Variants in LIMCH1 observed in about 807,000 individuals in gnomAD.
The protein encoded by LIMCH1 is LIM and calponin homology domains 1.
A neutral mutation model predicts 176.5 loss-of-function variants in LIMCH1; 113 were observed. The observed-to-expected ratio is 0.64, with a 90% CI of 0.55 to 0.75. The LOEUF (loss-of-function observed/expected upper bound fraction) is 0.75. LIMCH1 is among the 30% of genes least tolerant of loss of function. The pLI is 0.00. For synonymous variants in LIMCH1, 619 were observed against 645.9 expected (o/e 0.96, Z 0.63); for missense variants, 1,674 against 1,814.9 (o/e 0.92, Z 1.41).
intron 20 of LIMCH1, among the ~76,000 whole-genome samples, chr4:41,664,463 A>G (rs540642727): frequency 6.6e-6 from 1 of 152,252 alleles, no homozygotes; most frequent in East Asian, 1.9e-4. Flanking sequence ...GACCCTAGCT[A>G]TTCTTCATTT....
intron 1 of LIMCH1, among the ~76,000 whole-genome samples, chr4:41,463,393 A>G (rs1256922636): frequency 6.6e-6 from 1 of 152,022 alleles, no homozygotes; most frequent in Non-Finnish European, 1.5e-5. Flanking sequence ...TGCTTTTCCC[A>G]TTGGTAGTAA....
At chr4:41,480,007 A>G (rs2068326301) in intron 1 of LIMCH1, among the ~76,000 whole-genome samples, 1 of 152,108 alleles carries the variant, frequency 6.6e-6, no homozygotes, top group Non-Finnish European at 1.5e-5. Flanking sequence ...TAGACACTCC[A>G]GTTATGGATT....
intron 1 of LIMCH1, among the ~76,000 whole-genome samples, chr4:41,544,579 T>A (rs1005642852): frequency 6.6e-6 from 1 of 152,126 alleles, no homozygotes; most frequent in Admixed American, 6.5e-5. Context: ...TTACCTGGTT[T>A]TCTATTACCT....
chr4:41,370,671 A>G (rs1385215513), intron 1 of LIMCH1, among the ~76,000 whole-genome samples: 1 of 152,218 alleles, frequency 6.6e-6, no homozygotes, highest in Non-Finnish European at 1.5e-5. Flanking sequence ...TAGAGTTGAC[A>G]GAGTGTGATA....
chr4:41,640,117 C>T (rs577709436), intron 14 of LIMCH1, among the ~76,000 whole-genome samples: 1 of 152,348 alleles, frequency 6.6e-6, no homozygotes, highest in East Asian at 1.9e-4. Flanking sequence ...TGTGATCTGA[C>T]ATAAAGAACA....
chr4:41,632,834 A>T lies in LIMCH1; in HGVS notation c.1687A>T (p.Ser563Cys). ...VPESQEEWVC[S>C]LGECPRGTEE... The stretch of plus-strand genomic sequence containing the variant: ...GGAGTCTCAGGAAGAGTGGGTCTGC[A>T]GTTTGGGCGAGTGCCCGAGGGGGAC... The change falls in exon 11 of 32, where the codon AGT (serine) becomes TGT (cysteine). Residue 563 changes from serine to cysteine, a missense_variant. By Grantham distance (112) the Ser-to-Cys change is moderately radical (BLOSUM62 -1). This residue lies in a region of LIMCH1 where 1,015 missense variants were observed against 1,102.5 expected (regional missense o/e 0.92). Transcript: ENST00000503057. The T allele has an allele frequency of 6.5e-7, 1 of 1,536,202 alleles. No homozygotes were observed.
At chr4:41,363,050 G>A (rs565431187) in intron 1 of LIMCH1, among the ~76,000 whole-genome samples, 25 of 152,290 alleles carry the variant, frequency 1.6e-4, no homozygotes, top group African/African-American at 5.5e-4. Context: ...CAGTTTCAGG[G>A]AAAGGAGAGC....
intron 26 of LIMCH1, among the ~76,000 whole-genome samples, chr4:41,683,840 A>G (rs1718310480): frequency 6.6e-6 from 1 of 152,246 alleles, no homozygotes; most frequent in African/African-American, 2.4e-5. Flanking sequence ...CTGATAAGCT[A>G]TTTACAAAAT....
chr4:41,645,181 G>A (rs984758173), intron 15 of LIMCH1, among the ~76,000 whole-genome samples: 1 of 152,160 alleles, frequency 6.6e-6, no homozygotes, highest in Non-Finnish European at 1.5e-5. Context: ...GGCTAAAGAG[G>A]CTGATGAGGG....
rs1554072557 is a variant in LIMCH1 at position 41,494,593 on chromosome 4, A to G, written c.154A>G (p.Ile52Val). 7 of 1,610,894 alleles carry G rather than the reference A, an allele frequency of 4.3e-6. No homozygotes were observed. In the Admixed American group the frequency reaches 1.0e-4, roughly 23 times the overall value. ...TTTTCGGACAGGTTTAGAAAATGGA[A>G]TCCTCCTCTGCGAGTAAGTATAGCC... Residue 52 changes from isoleucine (I) to valine (V), a missense_variant, in exon 2 of 27, where the codon ATC becomes GTC. Ile to Val is a conservative substitution (Grantham distance 29, BLOSUM62 3). Coordinates refer to the LIMCH1 transcript ENST00000313860.
intron 17 of LIMCH1, 55 bp downstream of exon 17, chr4:41,646,948 A>G (rs2094088799): frequency 2.7e-6 from 4 of 1,461,512 alleles, no homozygotes; most frequent in Admixed American, 1.9e-5. Flanking sequence ...GAGTGGATGG[A>G]AAGAAGCATC....
Position 41,501,430 on chromosome 4 carries a change from G to T in LIMCH1, c.167+6824G>T, listed in dbSNP as rs190491383. 5.1e-3 allele frequency among the ~76,000 whole-genome samples: 778 copies of T among 152,278 alleles called. 2 individuals are homozygous for T. Among genetic ancestry groups the T allele is most frequent in the African/African-American group, 0.018 (727 of 41,542 alleles). On this transcript the variant is annotated intron_variant, in intron 2 of 26. Transcript: ENST00000313860. ...AGTGGTGTAATTGGCTTAGAAGGCCGAAAAGATTCCCTCACTTTTTGGTAT... is the reference window on the plus strand; with the variant it reads ...AGTGGTGTAATTGGCTTAGAAGGCCTAAAAGATTCCCTCACTTTTTGGTAT...
chr4:41,605,775 A>T (rs1321092214), intron 3 of LIMCH1, 119 bp from the exon 4 acceptor site: 4 of 514,196 alleles, frequency 7.8e-6, no homozygotes, highest in East Asian at 3.9e-5. Flanking sequence ...GTGGTTTTTT[A>T]AAATCGATGT....
chr4:41,393,283 A>G (rs181571024), intron 1 of LIMCH1, among the ~76,000 whole-genome samples: 1 of 152,274 alleles, frequency 6.6e-6, no homozygotes, highest in Admixed American at 6.5e-5. Flanking sequence ...GGAAGTGGCC[A>G]GGAGGAGTGT....
At chr4:41,360,583 A>C (rs1312185774), upstream of LIMCH1, 2 of 236,958 alleles carry the variant, frequency 8.4e-6, no homozygotes, top group East Asian at 9.0e-5. This position sits in a 1 kb window ranked among gnomAD's most constrained non-coding sequence, Gnocchi z 4.5. Flanking sequence ...GAAGGTGGGG[A>C]GGAGAAGAAG....
intron 1 of LIMCH1, chr4:41,473,124 C>A: frequency 1.3e-5 from 13 of 985,298 alleles, no homozygotes; most frequent in Non-Finnish European, 1.6e-5. Flanking sequence ...CATAAAATGA[C>A]AACTTGGTAA....
chr4:41,644,619 G>C lies in LIMCH1; in HGVS notation c.2246G>C (p.Trp749Ser). The C allele has an allele frequency of 1.2e-6, 2 of 1,611,002 alleles. No homozygotes were observed. The highest frequency in any genetic ancestry group is 1.7e-6 in the Non-Finnish European group (2 of 1,178,524). Residue 749 changes from tryptophan (W) to serine (S), a missense_variant, in exon 15 of 32, where the codon TGG becomes TCG. Coordinates refer to ENST00000503057, the MANE Select transcript of LIMCH1 (RefSeq NM_001330672.2). ...CAGCTGAGGGAAGAGGACGACAAAT[G>C]GCAAGATGTGAGTTGTGGCCAAGGC... is the stretch of plus-strand genomic sequence containing the variant. ...NNQLREEDDK[W>S]QDDLARWKSR...
chr4:41,555,245 A>C (rs2081075726), intron 1 of LIMCH1, among the ~76,000 whole-genome samples: 1 of 152,208 alleles, frequency 6.6e-6, no homozygotes, highest in Non-Finnish European at 1.5e-5. Flanking sequence ...TACTGTTTTC[A>C]TGGAAAGTTC....
chr4:41,626,783 C>G lies in LIMCH1; in HGVS notation c.801C>G (p.His267Gln). ...GCAAAGAAAACTCTTTCCTGACCCA[C>G]CAACATGGCAACGATTCAGAGGCAG... ...VLRKENSFLTHQHGNDSEAEG... is the reference protein window; with the variant it reads ...VLRKENSFLTQQHGNDSEAEG... Residue 267 changes from histidine to glutamine, a missense_variant, in exon 8 of 32, where the codon CAC (histidine) becomes CAG (glutamine). Transcript: ENST00000503057. The G allele has an allele frequency of 2.6e-6, 4 of 1,536,386 alleles. No homozygotes were observed. The highest frequency in any genetic ancestry group is 3.5e-6 in the Non-Finnish European group (4 of 1,146,962).
Sources: gnomAD v4.1 joint callset for allele counts (sites outside exome capture counted in the v4.1 genomes callset) on GRCh38, gnomAD v4.1.1 for gene constraint, gnomAD v4.1.1 regional missense constraint, Gnocchi (gnomAD v3.1) non-coding constraint, MANE v1.5 for transcripts, NCBI Gene and HGNC (gene_info 2026-07-23, HGNC 2026-07-21) for gene names.